Variants in CDC73 observed in about 807,000 individuals in gnomAD.
CDC73 encodes the protein cell division cycle 73.
A neutral mutation model predicts 83.7 loss-of-function variants in CDC73; 21 were observed. That is an observed-to-expected ratio of 0.25 (90% CI 0.18 to 0.36). The LOEUF (loss-of-function observed/expected upper bound fraction) is 0.36, where lower values mean the gene tolerates loss of function less well. Among genes scored for constraint, CDC73 ranks in the 10% least tolerant of loss-of-function variants. CDC73 has a pLI of 1.00. For missense variants in CDC73, 342 were observed against 653.3 expected (o/e 0.52, Z 5.19); for synonymous variants, 224 against 212.9 (o/e 1.05, Z -0.45).
At chr1:193,246,099 G>A (rs1677949019) in intron 15 of CDC73, among the ~76,000 whole-genome samples, 1 of 152,014 alleles carries the variant, frequency 6.6e-6, no homozygotes, top group Admixed American at 6.5e-5. Flanking sequence ...TCTGTTGGTT[G>A]TTTCCTTTAC....
In CDC73 at chr1:193,190,870, A is replaced by G. The variant is rs559558344; in HGVS notation, c.973-12925A>G. On this transcript the variant is annotated intron_variant, in intron 10 of 16. Coordinates refer to ENST00000367435, the MANE Select transcript of CDC73 (RefSeq NM_024529.5). The stretch of plus-strand genomic sequence containing the variant: ...AGTGGTAGGGGTAGTACTGATTTCT[A>G]CGAGGTGTTCTAGAAGTTTGTGAGG... Among the ~76,000 whole-genome samples, 23 of 152,262 alleles carry G rather than the reference A, an allele frequency of 1.5e-4. No homozygotes were observed. The East Asian group carries it at 4.4e-3, about 29-fold the overall frequency.
intron 5 of CDC73, 76 bp from the exon 6 acceptor site, chr1:193,138,009 A>G: frequency 9.3e-7 from 1 of 1,078,956 alleles, no homozygotes; most frequent in Non-Finnish European, 1.4e-6. Flanking sequence ...TTGGTAAGGA[A>G]AAGTTACATG....
chr1:193,152,301 A>C, intron 9 of CDC73, 79 bp from the exon 10 acceptor site: 1 of 874,342 alleles, frequency 1.1e-6, no homozygotes, highest in Non-Finnish European at 1.9e-6. Flanking sequence ...TTCAATGTAG[A>C]TTATTACTTT....
rs559917231 is a variant in CDC73 at position 193,241,186 on chromosome 1, G to A, written c.1417+4830G>A. ...CTTTTTTAGGGGAGGACTTTTCCCCGAAGATGTACCTATGATTTTGATTGG... is the reference window on the plus strand; with the variant it reads ...CTTTTTTAGGGGAGGACTTTTCCCCAAAGATGTACCTATGATTTTGATTGG... On this transcript the variant is annotated intron_variant, in intron 15 of 16. Coordinates refer to ENST00000367435, the MANE Select transcript of CDC73 (RefSeq NM_024529.5). Among the ~76,000 whole-genome samples the A allele has an allele frequency of 6.6e-5, 10 of 152,208 alleles. No homozygotes were observed. In the East Asian group the frequency reaches 9.7e-4, roughly 15 times the overall value.
At chr1:193,246,221 C>G (rs1026803291) in intron 15 of CDC73, among the ~76,000 whole-genome samples, 1 of 151,890 alleles carries the variant, frequency 6.6e-6, no homozygotes, top group Admixed American at 6.6e-5. Flanking sequence ...AGTGTTTTCT[C>G]TATGTTTTCT....
At chr1:193,142,117 GT>G in intron 7 of CDC73, 51 bp downstream of exon 7, 23 of 1,367,120 alleles carry the variant, frequency 1.7e-5, no homozygotes, top group East Asian at 2.3e-5. Context: ...GAGAGAGAGA[GT>G]GCGTTTAATC....
chr1:193,242,930 A>ATTTCTT (rs1572221845), intron 15 of CDC73, among the ~76,000 whole-genome samples: 1 of 149,724 alleles, frequency 6.7e-6, no homozygotes, highest in East Asian at 2.0e-4. Flanking sequence ...AAAGAACTTT[A>ATTTCTT]TTTCTTTTTC....
chr1:193,211,931 T>C, intron 11 of CDC73, 134 bp from the exon 12 acceptor site: 1 of 682,980 alleles, frequency 1.5e-6, no homozygotes, highest in South Asian at 1.8e-5. Context: ...AAGATAGTTG[T>C]AAAAAAAGTC....
At chr1:193,229,105 T>C (rs1399600643) in intron 13 of CDC73, among the ~76,000 whole-genome samples, 3 of 152,202 alleles carry the variant, frequency 2.0e-5, no homozygotes, top group Non-Finnish European at 4.4e-5. Context: ...TTCAAAAGAC[T>C]AGAAGTCTCA....
At chr1:193,184,899 G>T (rs1463252086) in intron 10 of CDC73, among the ~76,000 whole-genome samples, 1 of 151,922 alleles carries the variant, frequency 6.6e-6, no homozygotes, top group East Asian at 1.9e-4. Flanking sequence ...GTGATTATTA[G>T]ATAATTACTG....
Position 193,253,579 on chromosome 1 carries a change from G to T in CDC73, c.*2867G>T, listed in dbSNP as rs1678078261. The T allele has an allele frequency of 4.3e-6, 1 of 231,650 alleles. No individual in the cohort carries two copies. Among genetic ancestry groups the T allele is most frequent in the African/African-American group, 2.2e-5 (1 of 45,200 alleles). 14.3% of individuals were successfully genotyped at this position (231,650 alleles called of 1,614,324 possible). ...GTTTAATGTATTTCATTATTAACTA[G>T]TATTATAGTTTGTTTTTTTCCCATG... is the stretch of plus-strand genomic sequence containing the variant. On this transcript the variant is annotated 3_prime_UTR_variant, in exon 17 of 17. Coordinates refer to ENST00000367435, the MANE Select transcript of CDC73 (RefSeq NM_024529.5).
At chr1:193,139,545 TGATA>T (rs1247045328) in intron 6 of CDC73, among the ~76,000 whole-genome samples, 3 of 152,274 alleles carry the variant, frequency 2.0e-5, no homozygotes, top group Non-Finnish European at 2.9e-5. Context: ...TGAGATTGAT[TGATA>T]TTTCTCCTCG....
At chr1:193,220,288 T>C (rs1183844141) in intron 13 of CDC73, among the ~76,000 whole-genome samples, 1 of 150,386 alleles carries the variant, frequency 6.6e-6, no homozygotes, top group African/African-American at 2.4e-5. Context: ...TTCAGCCTCC[T>C]GAGTAGCTGG....
chr1:193,242,136 C>T (rs981352756), intron 15 of CDC73, among the ~76,000 whole-genome samples: 1 of 146,104 alleles, frequency 6.8e-6, no homozygotes, highest in Non-Finnish European at 1.6e-5. Flanking sequence ...GTGCTTCCCC[C>T]ACCCCGACTT....
intron 1 of CDC73, among the ~76,000 whole-genome samples, chr1:193,123,725 T>C (rs573980429): frequency 2.6e-5 from 4 of 152,208 alleles, no homozygotes; most frequent in Admixed American, 2.6e-4. Context: ...AGTGGTTCAA[T>C]CTGAGGATTA....
intron 13 of CDC73, 21 bp downstream of exon 13, chr1:193,212,498 T>C (rs1264516316): frequency 6.0e-6 from 8 of 1,338,306 alleles, no homozygotes; most frequent in South Asian, 1.2e-5. Context: ...TATTAAACTA[T>C]CCTGTACGTA....
intron 10 of CDC73, among the ~76,000 whole-genome samples, chr1:193,193,687 T>C (rs543688936): frequency 2.4e-4 from 36 of 152,274 alleles, no homozygotes; most frequent in Middle Eastern, 6.8e-3. Context: ...CTCTCACCTT[T>C]GAGTTTTATA....
chr1:193,179,119 T>C (rs762298762), intron 10 of CDC73: 2 of 152,208 alleles, frequency 1.3e-5, no homozygotes, highest in Non-Finnish European at 2.9e-5. Context: ...CCTAGAATTG[T>C]GTTTGTCAAA....
At chr1:193,182,864 C>A (rs183533654) in intron 10 of CDC73, among the ~76,000 whole-genome samples, 119 of 152,016 alleles carry the variant, frequency 7.8e-4, no homozygotes, top group African/African-American at 2.7e-3. Context: ...AACTTTTTGA[C>A]AAGGAGTGAT....
Sources: allele counts gnomAD v4.1 joint callset (sites outside exome capture counted in the v4.1 genomes callset), GRCh38; gene constraint gnomAD v4.1.1; transcripts MANE v1.5; gene names NCBI Gene and HGNC (gene_info 2026-07-23, HGNC 2026-07-21).